LAMA2: variants seen among roughly 807,000 people sequenced by gnomAD.
The protein encoded by LAMA2 is laminin subunit alpha-2.
A neutral mutation model predicts 364.8 loss-of-function variants in LAMA2; 269 were observed. That is an observed-to-expected ratio of 0.74 (90% CI 0.67 to 0.82). The LOEUF is 0.82. Ranked by LOEUF, LAMA2 falls within the 40% of genes least tolerant of loss-of-function variation. The pLI is 0.00. For missense variants in LAMA2, 3,807 were observed against 3,873.2 expected (o/e 0.98, Z 0.45); for synonymous variants, 1,379 against 1,370.6 (o/e 1.01, Z -0.14).
At position 129,481,375 on chromosome 6, in the gene LAMA2, T is replaced by C; in HGVS notation, c.7685T>C (p.Ile2562Thr). The C allele has an allele frequency of 2.5e-6, 4 of 1,613,996 alleles. No individual in the cohort carries two copies. Among genetic ancestry groups the C allele is most frequent in the Non-Finnish European group, 3.4e-6 (4 of 1,179,912 alleles). The change falls in exon 55 of 65, where the codon ATC (isoleucine) becomes ACC (threonine). Residue 2562 changes from isoleucine to threonine, a missense_variant. This residue lies in a region of LAMA2 where 3,333 missense variants were observed against 3,345.7 expected (regional missense o/e 1.00). Coordinates refer to ENST00000421865, the MANE Select transcript of LAMA2 (RefSeq NM_000426.4). ...TTCAGCACCAAGAATGAGTCCGGCA[T>C]CATTCTTTTGGGAAGTGGAGGGACA... ...LSFSTKNESG[I>T]ILLGSGGTPA...
At chr6:129,402,616 C>A in intron 39 of LAMA2, 129 bp downstream of exon 39, 1 of 924,620 alleles carries the variant, frequency 1.1e-6, no homozygotes, top group Non-Finnish European at 1.7e-6. Context: ...AGCTATATGG[C>A]CTTTCTGTGG....
At chr6:129,393,706 C>G (rs1779451938) in intron 37 of LAMA2, among the ~76,000 whole-genome samples, 1 of 152,164 alleles carries the variant, frequency 6.6e-6, no homozygotes, top group Admixed American at 6.6e-5. Flanking sequence ...TATTATTTTG[C>G]AGCTTTCCCA....
At chr6:129,243,438 A>G (rs1308017337) in intron 12 of LAMA2, among the ~76,000 whole-genome samples, 1 of 152,042 alleles carries the variant, frequency 6.6e-6, no homozygotes, top group East Asian at 1.9e-4. Context: ...CTGTATATAA[A>G]TATTGTCTAG....
chr6:129,143,863 G>T, intron 4 of LAMA2, 38 bp from the exon 5 acceptor site: 1 of 1,435,636 alleles, frequency 7.0e-7, no homozygotes, highest in Non-Finnish European at 9.7e-7. Context: ...TTAAATTTTG[G>T]AAAACATAAT....
chr6:128,895,573 G>A (rs553683706), intron 1 of LAMA2, among the ~76,000 whole-genome samples: 2 of 151,950 alleles, frequency 1.3e-5, no homozygotes, highest in African/African-American at 2.4e-5. Flanking sequence ...GCGTGAATCC[G>A]GGAGGAGGAG....
chr6:129,284,470 GA>G (rs1788954916), intron 18 of LAMA2, among the ~76,000 whole-genome samples: 1 of 152,120 alleles, frequency 6.6e-6, no homozygotes, highest in African/African-American at 2.4e-5. Flanking sequence ...ACTGTAGTGT[GA>G]AGACTGTACC....
At chr6:129,120,772 CG>C (rs1281727552) in intron 4 of LAMA2, among the ~76,000 whole-genome samples, 1 of 152,122 alleles carries the variant, frequency 6.6e-6, no homozygotes, top group African/African-American at 2.4e-5. Flanking sequence ...TTAATATCCT[CG>C]GGTATACACA....
At chr6:129,492,571 T>A in intron 58 of LAMA2, 88 bp downstream of exon 58, 1 of 1,142,440 alleles carries the variant, frequency 8.8e-7, no homozygotes, top group Non-Finnish European at 1.3e-6. Flanking sequence ...GGATATCTAG[T>A]ACACTCTGAT....
intron 40 of LAMA2, among the ~76,000 whole-genome samples, chr6:129,424,023 A>C (rs1361644293): frequency 1.3e-5 from 2 of 152,092 alleles, no homozygotes; most frequent in Non-Finnish European, 2.9e-5. Context: ...GTTGGTATCA[A>C]TATTGACAAA....
intron 31 of LAMA2, among the ~76,000 whole-genome samples, chr6:129,352,596 T>C (rs1266989962): frequency 6.6e-6 from 1 of 152,226 alleles, no homozygotes; most frequent in Non-Finnish European, 1.5e-5. Flanking sequence ...CTGAAATTCA[T>C]GAGTATAGGG....
intron 1 of LAMA2, among the ~76,000 whole-genome samples, chr6:128,953,460 C>T (rs376245071): frequency 3.9e-5 from 6 of 152,078 alleles, no homozygotes; most frequent in East Asian, 3.9e-4. Context: ...TGTAATGTCT[C>T]CTGGATTCTA....
chr6:128,910,035 G>A (rs1777789937), intron 1 of LAMA2, among the ~76,000 whole-genome samples: 1 of 151,840 alleles, frequency 6.6e-6, no homozygotes, highest in Non-Finnish European at 1.5e-5. Flanking sequence ...TCCCTTCCAG[G>A]GTAACCCGTG....
chr6:129,398,432 C>A (rs1418220973), intron 37 of LAMA2, among the ~76,000 whole-genome samples: 3 of 151,288 alleles, frequency 2.0e-5, no homozygotes, highest in Admixed American at 2.0e-4. Flanking sequence ...GCACAAGTCC[C>A]AGGAATGGAC....
At chr6:129,284,767 T>A (rs1788977982) in intron 18 of LAMA2, among the ~76,000 whole-genome samples, 1 of 151,996 alleles carries the variant, frequency 6.6e-6, no homozygotes, top group Non-Finnish European at 1.5e-5. Context: ...TCTCTTCCTC[T>A]CTCCCTCCCT....
intron 12 of LAMA2, among the ~76,000 whole-genome samples, chr6:129,247,906 G>A (rs777390380): frequency 2.0e-5 from 3 of 152,042 alleles, no homozygotes; most frequent in Non-Finnish European, 4.4e-5. Flanking sequence ...CTATTTTTCT[G>A]CGTATTTATT....
chr6:129,182,515 ATC>A (rs1562308220), intron 10 of LAMA2, among the ~76,000 whole-genome samples: 1 of 151,864 alleles, frequency 6.6e-6, no homozygotes. Flanking sequence ...GTTTCCTTTA[ATC>A]TGATAAAAGA....
chr6:128,982,695 T>C (rs1184387636), intron 1 of LAMA2, among the ~76,000 whole-genome samples: 1 of 151,580 alleles, frequency 6.6e-6, no homozygotes, highest in Admixed American at 6.6e-5. Context: ...CCTGCTGGTG[T>C]GCTGCACCCA....
chr6:128,977,705 C>T (rs1158384827), intron 1 of LAMA2, among the ~76,000 whole-genome samples: 6 of 152,184 alleles, frequency 3.9e-5, no homozygotes, highest in Admixed American at 1.3e-4. Flanking sequence ...AATCAGGTTT[C>T]GGTTGAGACA....
At chr6:129,183,562 G>C (rs1253799069) in intron 10 of LAMA2, among the ~76,000 whole-genome samples, 1 of 151,742 alleles carries the variant, frequency 6.6e-6, no homozygotes, top group African/African-American at 2.4e-5. Context: ...TTTCAGCTTT[G>C]CTTAAATTTC....
Sources: allele counts gnomAD v4.1 joint callset (sites outside exome capture counted in the v4.1 genomes callset), GRCh38; gene constraint gnomAD v4.1.1; regional missense constraint gnomAD v4.1.1; transcripts MANE v1.5; gene names NCBI Gene and HGNC (gene_info 2026-07-23, HGNC 2026-07-21).